CEPT1: variants seen among roughly 807,000 people sequenced by gnomAD.
The protein encoded by CEPT1 is choline/ethanolamine phosphotransferase 1, also known as choline/ethanolaminephosphotransferase 1.
A neutral mutation model predicts 42.6 loss-of-function variants in CEPT1; 7 were observed. The ratio of observed to expected loss-of-function variants is 0.16; its 90% CI spans 0.09 to 0.31. CEPT1 has a LOEUF of 0.31. CEPT1 is among the 10% of genes least tolerant of loss of function. The probability of loss-of-function intolerance (pLI) is 1.00; values close to 1 mark genes in which losing one functional copy is unlikely to be tolerated. For synonymous variants in CEPT1, 171 were observed against 171.9 expected (o/e 0.99, Z 0.04); for missense variants, 306 against 502.1 (o/e 0.61, Z 3.73).
chr1:111,152,569 G>A (rs1261649261), intron 2 of CEPT1, among the ~76,000 whole-genome samples: 1 of 152,058 alleles, frequency 6.6e-6, no homozygotes, highest in Non-Finnish European at 1.5e-5. Context: ...TGCAAAATAA[G>A]TCTTTATTGT....
Position 111,184,358 on chromosome 1 carries a change from G to A in CEPT1, c.*48G>A. On this transcript the variant is annotated 3_prime_UTR_variant, in exon 9 of 9. Transcript: ENST00000357172. ...CATCATGTTTTCTGCAGGAAAGAAA[G>A]TAACATATTAAGGAGAATGGGGGTG... is the stretch of plus-strand genomic sequence containing the variant. 1 of 1,494,094 alleles carries A rather than the reference G, an allele frequency of 6.7e-7. No individual in the cohort carries two copies. Among genetic ancestry groups the A allele is most frequent in the East Asian group, 2.3e-5 (1 of 43,538 alleles). The allele number at this position is 1,494,094 out of a possible 1,614,324, so 92.6% of individuals were successfully genotyped here. A position where few individuals can be genotyped will look rare whatever the true frequency, so the allele number is the denominator to read the frequency against.
intron 1 of CEPT1, 112 bp downstream of exon 1, chr1:111,140,419 T>C (rs1172363854): frequency 6.6e-6 from 1 of 152,188 alleles, no homozygotes; most frequent in African/African-American, 2.4e-5. Context: ...TAGCTGTGTA[T>C]GGACTCGCGC....
At chr1:111,183,664 C>A in intron 8 of CEPT1, 77 bp downstream of exon 8, 2 of 1,373,416 alleles carry the variant, frequency 1.5e-6, no homozygotes, top group South Asian at 2.5e-5. Context: ...ATGACCCAGT[C>A]ATGAAAGATC....
rs553326518 is a variant in CEPT1, at chr1:111,169,670, A to G, written c.630-5209A>G. 8.7e-4 allele frequency among the ~76,000 whole-genome samples: 133 copies of G among 152,322 alleles called. No homozygotes were observed. The Middle Eastern group carries it at 0.02, about 23-fold the overall frequency. On this transcript the variant is annotated intron_variant, in intron 4 of 8. Coordinates refer to ENST00000357172, the MANE Select transcript of CEPT1 (RefSeq NM_006090.5). ...ACTTATTGCTTAAACTGATTTGATA[A>G]TTAAAATGAGATTGTCAAATATACT...
chr1:111,177,541 C>T (rs1039139079), intron 5 of CEPT1, among the ~76,000 whole-genome samples: 10 of 152,124 alleles, frequency 6.6e-5, no homozygotes, highest in African/African-American at 2.4e-4. Context: ...TGTCTGTGCA[C>T]GTTATATACA....
At chr1:111,176,288 C>A (rs1392281118) in intron 5 of CEPT1, among the ~76,000 whole-genome samples, 1 of 152,022 alleles carries the variant, frequency 6.6e-6, no homozygotes, top group Non-Finnish European at 1.5e-5. Context: ...TTTTGCTCTT[C>A]AGTAGACTAG....
chr1:111,159,305 G>A (rs1374247628), intron 2 of CEPT1, 75 bp from the exon 3 acceptor site: 36 of 1,417,684 alleles, frequency 2.5e-5, no homozygotes, highest in Non-Finnish European at 6.8e-6. Flanking sequence ...TTTCCAACCT[G>A]CAGGTAAAAA....
chr1:111,171,297 G>A (rs1656401192), intron 4 of CEPT1, among the ~76,000 whole-genome samples: 1 of 152,208 alleles, frequency 6.6e-6, no homozygotes, highest in African/African-American at 2.4e-5. Context: ...CACTTCTGAT[G>A]TAATAACTGC....
intron 5 of CEPT1, among the ~76,000 whole-genome samples, chr1:111,176,716 A>T (rs325885): frequency 0.049 from 7,538 of 152,300 alleles, 227 homozygotes; most frequent in East Asian, 0.15. Context: ...ATTTTCATAT[A>T]CACCTTATAC....
intron 1 of CEPT1, among the ~76,000 whole-genome samples, chr1:111,143,056 A>G (rs910014981): frequency 2.6e-5 from 4 of 152,232 alleles, no homozygotes; most frequent in Non-Finnish European, 5.9e-5. Context: ...TCAGTTAACA[A>G]ATAATTTTGG....
chr1:111,172,058 C>T (rs929470938), intron 4 of CEPT1, among the ~76,000 whole-genome samples: 4 of 152,204 alleles, frequency 2.6e-5, no homozygotes, highest in Non-Finnish European at 5.9e-5. Context: ...TTTAAAGCAG[C>T]ACCAGTCAAG....
intron 2 of CEPT1, among the ~76,000 whole-genome samples, chr1:111,151,085 A>G (rs987883831): frequency 6.6e-6 from 1 of 151,174 alleles, no homozygotes; most frequent in African/African-American, 2.4e-5. Flanking sequence ...TCCTGAGAAC[A>G]CGTGCCCAAG....
intron 1 of CEPT1, among the ~76,000 whole-genome samples, chr1:111,140,839 C>G (rs995340528): frequency 5.3e-5 from 8 of 152,168 alleles, no homozygotes; most frequent in African/African-American, 1.9e-4. Flanking sequence ...AAATTTCAGC[C>G]TATATTGATA....
chr1:111,148,651 A>G (rs187618880), intron 2 of CEPT1, among the ~76,000 whole-genome samples: 6 of 152,244 alleles, frequency 3.9e-5, no homozygotes, highest in Admixed American at 1.3e-4. Context: ...TTGCTTACAA[A>G]GACTCACACA....
intron 2 of CEPT1, among the ~76,000 whole-genome samples, chr1:111,155,464 TAC>T (rs1360768787): frequency 3.3e-5 from 5 of 151,864 alleles, no homozygotes; most frequent in Non-Finnish European, 7.4e-5. Flanking sequence ...TGTGTGTGTA[TAC>T]ACACAACATA....
At chr1:111,185,104 ATTG>A (rs948434176), downstream of CEPT1, 6 of 152,522 alleles carry the variant, frequency 3.9e-5, no homozygotes, top group Admixed American at 2.6e-4. Flanking sequence ...GGTCCACTGC[ATTG>A]TTGTGATGTG....
upstream of CEPT1, chr1:111,140,065 TGGCGCC>T (rs1159320830): frequency 1.3e-5 from 2 of 152,484 alleles, no homozygotes. Context: ...CGCTGGCCGC[TGGCGCC>T]GAAGCCCCTA....
chr1:111,167,048 C>A, intron 4 of CEPT1: 4 of 850,068 alleles, frequency 4.7e-6, no homozygotes, highest in Non-Finnish European at 5.7e-6. Context: ...GTTAGTAGGG[C>A]TCTTTAGCAA....
intron 4 of CEPT1, among the ~76,000 whole-genome samples, chr1:111,170,229 T>G (rs2101357388): frequency 6.6e-6 from 1 of 152,290 alleles, no homozygotes; most frequent in Non-Finnish European, 1.5e-5. Flanking sequence ...CCTTTAAATT[T>G]AAGACCTATA....
Sources: gnomAD v4.1 joint callset for allele counts (sites outside exome capture counted in the v4.1 genomes callset) on GRCh38, gnomAD v4.1.1 for gene constraint, MANE v1.5 for transcripts, NCBI Gene and HGNC (gene_info 2026-07-23, HGNC 2026-07-21) for gene names.